Variants in YME1L1 observed in about 807,000 individuals in gnomAD.
YME1L1 encodes ATP-dependent zinc metalloprotease YME1L1.
Under a neutral mutation model 90.4 loss-of-function variants are expected in YME1L1, and 39 were observed. The ratio of observed to expected loss-of-function variants is 0.43; its 90% CI spans 0.33 to 0.56. YME1L1 has a LOEUF of 0.56. YME1L1 is among the 20% of genes least tolerant of loss of function. YME1L1 has a pLI of 0.03. For missense variants in YME1L1, 617 were observed against 868.4 expected (o/e 0.71, Z 3.64); for synonymous variants, 284 against 287.3 (o/e 0.99, Z 0.12).
chr10:27,130,367 A>T (rs568958657), intron 8 of YME1L1, among the ~76,000 whole-genome samples: 1 of 152,134 alleles, frequency 6.6e-6, no homozygotes, highest in Non-Finnish European at 1.5e-5. Flanking sequence ...TCCCTGGGTG[A>T]TCTCATCCAA....
At chr10:27,113,672 C>CAAAAAAAAAAAAAAAAAAAAAA (rs373714641) in intron 18 of YME1L1, among the ~76,000 whole-genome samples, 1 of 74,080 alleles carries the variant, frequency 1.3e-5, no homozygotes. Flanking sequence ...AACTCTGTCT[C>CAAAAAAAAAAAAAAAAAAAAAA]AAAAAAAAAA....
At chr10:27,133,466 C>T (rs767950262) in intron 7 of YME1L1, among the ~76,000 whole-genome samples, 19 of 152,064 alleles carry the variant, frequency 1.2e-4, no homozygotes, top group Non-Finnish European at 2.5e-4. Context: ...AGGAGAAATG[C>T]TTAATAAATC....
intron 8 of YME1L1, among the ~76,000 whole-genome samples, chr10:27,130,093 C>A (rs995522726): frequency 2.0e-5 from 3 of 152,230 alleles, no homozygotes; most frequent in Non-Finnish European, 4.4e-5. Flanking sequence ...ACCCCTGCTA[C>A]TCCACTAACA....
chr10:27,123,927 C>G (rs1338226213), intron 9 of YME1L1, among the ~76,000 whole-genome samples: 2 of 151,934 alleles, frequency 1.3e-5, no homozygotes, highest in East Asian at 3.9e-4. Flanking sequence ...TCCATATCAA[C>G]AAGAGACATG....
At chr10:27,143,425 C>A (rs953605042) in intron 3 of YME1L1, among the ~76,000 whole-genome samples, 2 of 141,832 alleles carry the variant, frequency 1.4e-5, no homozygotes, top group Admixed American at 7.0e-5. Flanking sequence ...TAAGGCCAGG[C>A]GCGGTGCCTC....
At position 27,111,862 on chromosome 10, in the gene YME1L1, C is replaced by A. The variant is rs755668104; in HGVS notation, c.*115G>T. 1.5e-6 allele frequency: 2 copies of A among 1,342,238 alleles called. No individual in the cohort carries two copies. Among genetic ancestry groups the A allele is most frequent in the Non-Finnish European group, 2.1e-6 (2 of 941,918 alleles). The allele number at this position is 1,342,238 out of a possible 1,614,324, so 83.1% of individuals were successfully genotyped here. A position where few individuals can be genotyped will look rare whatever the true frequency, so the allele number is the denominator to read the frequency against. ...GACAAATGATTGACAAAGCATTTCA[C>A]ACCCTTCAATTACACCACATCAAGA... On this transcript the variant is annotated 3_prime_UTR_variant, in exon 19 of 19. Transcript: ENST00000376016.
At chr10:27,113,247 A>T (rs867625156) in intron 18 of YME1L1, among the ~76,000 whole-genome samples, 3,859 of 143,510 alleles carry the variant, frequency 0.027, 272 homozygotes, top group African/African-American at 0.056. Context: ...AAAAAAAAAA[A>T]AAAAAAAAAA....
chr10:27,142,047 T>A (rs973721936), intron 4 of YME1L1, among the ~76,000 whole-genome samples: 2 of 137,718 alleles, frequency 1.5e-5, no homozygotes, highest in African/African-American at 6.4e-5. Context: ...CTTCTGTTGT[T>A]GCTCTTTTTT....
rs938295208 is a variant in YME1L1, at chr10:27,142,463, T to C, written c.354A>G (p.Thr118=). 1.5e-5 allele frequency: 22 copies of C among 1,488,794 alleles called. No individual in the cohort carries two copies. The highest frequency in any genetic ancestry group is 1.1e-5 in the Non-Finnish European group (12 of 1,118,520). 92.2% of individuals were successfully genotyped at this position (1,488,794 alleles called of 1,614,324 possible). A position where few individuals can be genotyped will look rare whatever the true frequency, so the allele number is the denominator to read the frequency against. Reference sequence around the variant, plus strand: ...GTCGATACAAGCAAGAGGAACGTAATGTACTAAATATATCTAAGTTACCTG... The same window carrying C: ...GTCGATACAAGCAAGAGGAACGTAACGTACTAAATATATCTAAGTTACCTG... ...NKYGNLDIFS[T]LRSSCLYRHH... The change falls in exon 4 of 19, where the codon ACA becomes ACG. Residue 118 remains threonine, a synonymous_variant. Coordinates refer to ENST00000376016, the MANE Select transcript of YME1L1 (RefSeq NM_014263.4).
At chr10:27,135,993 G>A (rs566640947) in intron 5 of YME1L1, among the ~76,000 whole-genome samples, 3 of 152,284 alleles carry the variant, frequency 2.0e-5, no homozygotes, top group South Asian at 2.1e-4. Flanking sequence ...ATGGACAAAC[G>A]TAGGTTGATA....
Position 27,148,935 on chromosome 10 carries a change from C to T in YME1L1, c.139G>A (p.Val47Ile), listed in dbSNP as rs11015572. 1 of 1,613,968 alleles carries T rather than the reference C, an allele frequency of 6.2e-7. No individual in the cohort carries two copies. Among genetic ancestry groups the T allele is most frequent in the Non-Finnish European group, 8.5e-7 (1 of 1,180,000 alleles). The change falls in exon 2 of 19, where the codon GTT becomes ATT. Residue 47 changes from valine (V) to isoleucine (I), a missense_variant. Physicochemically the swap from Val to Ile is conservative, Grantham distance 29 (BLOSUM62 3). Coordinates refer to ENST00000376016, the MANE Select transcript of YME1L1 (RefSeq NM_014263.4). ...SVSQNQHRDVVPEHEAPSSEP... is the reference protein window; with the variant it reads ...SVSQNQHRDVIPEHEAPSSEP... ...CTGCTGGGAGCCTCATGCTCAGGAA[C>T]TACATCTCGATGCTGGTTTTGAGAA... is the stretch of plus-strand genomic sequence containing the variant.
Position 27,153,159 on chromosome 10 carries a change from T to A in YME1L1, c.33+1019A>T, listed in dbSNP as rs59089651. 1.1e-3 allele frequency: 533 copies of A among 469,974 alleles called. 5 individuals are homozygous for A. The highest frequency in any genetic ancestry group is 8.9e-3 in the African/African-American group (447 of 50,198). The allele number at this position is 469,974 out of a possible 1,614,324, so 29.1% of individuals were successfully genotyped here. On this transcript the variant is annotated intron_variant, in intron 1 of 18. Transcript: ENST00000376016. Reference sequence around the variant, plus strand: ...CTGTGATACCTGTTCACTCTTCACCTTGCTAAGTCCTACTCATATTTACTT... The same window carrying A: ...CTGTGATACCTGTTCACTCTTCACCATGCTAAGTCCTACTCATATTTACTT...
At chr10:27,117,875 A>T in intron 14 of YME1L1, 148 bp from the exon 15 acceptor site, 1 of 750,876 alleles carries the variant, frequency 1.3e-6, no homozygotes, top group Non-Finnish European at 2.1e-6. Context: ...GATTAAAACT[A>T]TGGGGAAGAG....
chr10:27,151,220 C>T (rs988505202), intron 1 of YME1L1, among the ~76,000 whole-genome samples: 4 of 152,108 alleles, frequency 2.6e-5, no homozygotes, highest in African/African-American at 9.7e-5. Context: ...CCGCGCCTGG[C>T]GACTCTCTCG....
intron 18 of YME1L1, among the ~76,000 whole-genome samples, chr10:27,112,387 T>A (rs750241761): frequency 6.6e-6 from 1 of 152,210 alleles, no homozygotes; most frequent in African/African-American, 2.4e-5. Context: ...TTCTGTATCC[T>A]TAACTACTCT....
intron 9 of YME1L1, among the ~76,000 whole-genome samples, chr10:27,126,251 T>C (rs2056918557): frequency 6.6e-6 from 1 of 152,054 alleles, no homozygotes; most frequent in South Asian, 2.1e-4. Context: ...AAGAGCAGCC[T>C]GGGCAACATG....
intron 11 of YME1L1, among the ~76,000 whole-genome samples, chr10:27,121,745 A>G (rs1021980163): frequency 1.4e-5 from 2 of 141,066 alleles, no homozygotes; most frequent in African/African-American, 5.4e-5. Flanking sequence ...GGTACAAGCC[A>G]CTATTTTTTT....
rs747690336 is a variant in YME1L1, at chr10:27,136,403, A to G, written c.431-18T>C. ...TATGAAAACTAAATAAAACAATACC[A>G]TTCACTGTCACTATAAATTGTTACA... is the stretch of plus-strand genomic sequence containing the variant. On this transcript the variant is annotated intron_variant, in intron 4 of 18. Coordinates refer to ENST00000376016, the MANE Select transcript of YME1L1 (RefSeq NM_014263.4). 2 of 1,578,768 alleles carry G rather than the reference A, an allele frequency of 1.3e-6. No individual in the cohort carries two copies. Among genetic ancestry groups the G allele is most frequent in the South Asian group, 2.2e-5 (2 of 89,858 alleles).
chr10:27,120,361 T>C (rs2056854400), intron 13 of YME1L1, 74 bp downstream of exon 13: 1 of 1,062,624 alleles, frequency 9.4e-7, no homozygotes, highest in South Asian at 1.5e-5. Flanking sequence ...ACATGTATCA[T>C]GAAAGGACCA....
Sources: allele counts gnomAD v4.1 joint callset (sites outside exome capture counted in the v4.1 genomes callset), GRCh38; gene constraint gnomAD v4.1.1; transcripts MANE v1.5; gene names NCBI Gene and HGNC (gene_info 2026-07-23, HGNC 2026-07-21).